EPN2: variants seen among roughly 807,000 people sequenced by gnomAD.
EPN2 encodes epsin-2.
A neutral mutation model predicts 61.7 loss-of-function variants in EPN2; 34 were observed. The ratio of observed to expected loss-of-function variants is 0.55; its 90% CI spans 0.42 to 0.73. The LOEUF (loss-of-function observed/expected upper bound fraction) is 0.73. Among genes scored for constraint, EPN2 ranks in the 30% least tolerant of loss-of-function variants. The pLI is 0.00. For synonymous variants in EPN2, 349 were observed against 353.6 expected, an observed-to-expected ratio of 0.99 and a Z score of 0.15; for missense variants, 714 against 839.2, an observed-to-expected ratio of 0.85 and a Z score of 1.84.
At chr17:19,289,188 C>T (rs1180020948) in intron 4 of EPN2, among the ~76,000 whole-genome samples, 3 of 151,052 alleles carry the variant, frequency 2.0e-5, no homozygotes, top group Admixed American at 2.0e-4. Context: ...GGGTTCACGC[C>T]ATTCTCCTGC....
At chr17:19,286,596 A>AG (rs2045407468) in intron 4 of EPN2, among the ~76,000 whole-genome samples, 1 of 152,204 alleles carries the variant, frequency 6.6e-6, no homozygotes, top group Non-Finnish European at 1.5e-5. Context: ...TCTTACAAGA[A>AG]GGGGCACGAC....
intron 1 of EPN2, among the ~76,000 whole-genome samples, chr17:19,278,000 G>A (rs2045324664): frequency 6.7e-6 from 1 of 149,948 alleles, no homozygotes; most frequent in South Asian, 2.1e-4. Flanking sequence ...TGTGAACCTG[G>A]GAGGCGGAGC....
intron 4 of EPN2, among the ~76,000 whole-genome samples, chr17:19,294,266 A>AC (rs1413140560): frequency 8.2e-4 from 124 of 151,326 alleles, no homozygotes; most frequent in Middle Eastern, 3.4e-3. Flanking sequence ...AAAAAAAAAA[A>AC]AATTAACCAG....
At chr17:19,310,036 C>G in intron 5 of EPN2, 39 bp downstream of exon 5, 3 of 1,411,890 alleles carry the variant, frequency 2.1e-6, no homozygotes, top group Non-Finnish European at 3.0e-6. Flanking sequence ...ATTGACTGCC[C>G]ATGCTCAGGG....
Position 19,285,851 on chromosome 17 carries a change from C to G in EPN2, c.766+61C>G. On this transcript the variant is annotated intron_variant, in intron 4 of 10. Transcript: ENST00000314728. The surrounding 1 kb of genome is among the most constrained non-coding windows in gnomAD (Gnocchi z 4.5). ...TGCTGGGCAGCTTGCTGGGGGTGTG[C>G]TTGCCATGCCAGTACAGCCAACTCT... 6.8e-7 allele frequency: 1 copy of G among 1,467,716 alleles called. No homozygotes were observed. Among genetic ancestry groups the G allele is most frequent in the Non-Finnish European group, 9.1e-7 (1 of 1,100,000 alleles). The allele number at this position is 1,467,716 out of a possible 1,614,324, so 90.9% of individuals were successfully genotyped here. A position where few individuals can be genotyped will look rare whatever the true frequency, so the allele number is the denominator to read the frequency against.
intron 1 of EPN2, among the ~76,000 whole-genome samples, chr17:19,257,585 T>C (rs1027503307): frequency 1.3e-5 from 2 of 151,928 alleles, no homozygotes; most frequent in Non-Finnish European, 2.9e-5. Flanking sequence ...TGGTGCCATC[T>C]TGGCTCACTG....
intron 4 of EPN2, among the ~76,000 whole-genome samples, chr17:19,298,981 A>C (rs1360665534): frequency 6.6e-6 from 1 of 152,158 alleles, no homozygotes; most frequent in Non-Finnish European, 1.5e-5. Context: ...TATTTCTTCA[A>C]TGTGGAATTC....
At chr17:19,301,162 C>T (rs543362190) in intron 4 of EPN2, among the ~76,000 whole-genome samples, 1 of 152,206 alleles carries the variant, frequency 6.6e-6, no homozygotes, top group African/African-American at 2.4e-5. Flanking sequence ...CTGTGTCACC[C>T]CAGTCTCTGC....
At position 19,300,416 on chromosome 17, in the gene EPN2, A is replaced by G. The variant is rs73291287; in HGVS notation, c.767-9469A>G. ...GTATGTGCTCTTACATAAAAACAAT[A>G]AACTGTAAATCTTTTTTTTTTTTTT... On this transcript the variant is annotated intron_variant, in intron 4 of 10. Transcript: ENST00000314728. 8.1e-3 allele frequency among the ~76,000 whole-genome samples: 1,205 copies of G among 147,964 alleles called. 22 individuals are homozygous for G. Among genetic ancestry groups the G allele is most frequent in the African/African-American group, 0.029 (1,159 of 40,088 alleles).
At position 19,328,841 on chromosome 17, in the gene EPN2, T is replaced by C. The variant is rs755802955; in HGVS notation, c.1278T>C (p.Ser426=). 1.2e-6 allele frequency: 2 copies of C among 1,613,352 alleles called. No homozygotes were observed. Among genetic ancestry groups the C allele is most frequent in the African/African-American group, 2.7e-5 (2 of 74,928 alleles). Residue 426 remains serine, a synonymous_variant, in exon 8 of 11, where the codon TCT becomes TCC. Transcript: ENST00000314728. ...CCTCCAGTGCTGGGAAAAGAGCTTC[T>C]GACGCGTGGGGCGCAGTCTCCACCA... ...QPASSAGKRA[S]DAWGAVSTTK...
rs766147588 is a variant in EPN2, at chr17:19,283,484, A to G, written c.365A>G (p.Asn122Ser). The G allele has an allele frequency of 1.9e-6, 3 of 1,614,218 alleles. No individual in the cohort carries two copies. The highest frequency in any genetic ancestry group is 1.1e-5 in the South Asian group (1 of 91,080). ...CGAGATGGCAAGGACCAGGGCATCA[A>G]TGTGCGTGAGAAGTCAAAGCAACTG... ...IDRDGKDQGI[N>S]VREKSKQLVA... is the part of the protein sequence containing the mutation. Residue 122 changes from asparagine to serine, a missense_variant, in exon 3 of 11, where the codon AAT becomes AGT. Physicochemically the swap from Asn to Ser is conservative, Grantham distance 46. Coordinates refer to ENST00000314728, the MANE Select transcript of EPN2 (RefSeq NM_014964.5). The surrounding 1 kb of genome is among the most constrained non-coding windows in gnomAD (Gnocchi z 7.0).
chr17:19,261,052 C>T (rs1271410236), intron 1 of EPN2, among the ~76,000 whole-genome samples: 2 of 152,192 alleles, frequency 1.3e-5, no homozygotes, highest in African/African-American at 2.4e-5. Context: ...CATGACATGC[C>T]GGCGACAGTT....
At chr17:19,322,300 C>G (rs2059882717) in intron 7 of EPN2, among the ~76,000 whole-genome samples, 2 of 152,164 alleles carry the variant, frequency 1.3e-5, no homozygotes, top group South Asian at 4.1e-4. Context: ...ACAAAGCTTG[C>G]AGATTGACAT....
rs903625263 is a variant in EPN2, at chr17:19,256,638, G to C, written c.-294+19107G>C. Among the ~76,000 whole-genome samples, 11 of 152,134 alleles carry C rather than the reference G, an allele frequency of 7.2e-5. No homozygotes were observed. In the South Asian group the frequency reaches 2.3e-3, roughly 32 times the overall value. On this transcript the variant is annotated intron_variant, in intron 1 of 10. Transcript: ENST00000314728. ...ATATAGCGTCCAGTGGTTTTCGGCT[G>C]GTGGCACCCCGTGGGAAAGCTCTGA...
At chr17:19,242,786 G>T (rs1280023238) in intron 1 of EPN2, among the ~76,000 whole-genome samples, 2 of 152,336 alleles carry the variant, frequency 1.3e-5, no homozygotes, top group African/African-American at 2.4e-5. Flanking sequence ...GGCTCATCCT[G>T]GGGGACGGCT....
chr17:19,330,375 T>C (rs1389873217), intron 9 of EPN2, among the ~76,000 whole-genome samples: 1 of 152,108 alleles, frequency 6.6e-6, no homozygotes, highest in Non-Finnish European at 1.5e-5. Flanking sequence ...CCCAGTCTCT[T>C]CTTTTTCTCC....
At chr17:19,244,833 A>G (rs142756450) in intron 1 of EPN2, among the ~76,000 whole-genome samples, 5 of 152,350 alleles carry the variant, frequency 3.3e-5, no homozygotes, top group African/African-American at 4.8e-5. Context: ...AGAGGGGTTC[A>G]GTAACCTGCC....
intron 7 of EPN2, among the ~76,000 whole-genome samples, chr17:19,314,786 C>T (rs989412500): frequency 1.3e-5 from 2 of 152,230 alleles, no homozygotes; most frequent in Non-Finnish European, 2.9e-5. Context: ...GTGTGGTACC[C>T]CCAGGGAGCC....
rs918337039 is a variant in EPN2, at chr17:19,309,925, G to A, written c.807G>A (p.Arg269=). 3.7e-6 allele frequency: 6 copies of A among 1,609,304 alleles called. No individual in the cohort carries two copies. Among genetic ancestry groups the A allele is most frequent in the Non-Finnish European group, 4.2e-6 (5 of 1,180,016 alleles). The change falls in exon 5 of 11, where the codon CGG becomes CGA. Residue 269 remains arginine, a synonymous_variant. Coordinates refer to ENST00000314728, the MANE Select transcript of EPN2 (RefSeq NM_014964.5). ...PRVSSELEQA[R]PQTSGEEELQ... ...TGTCCTCCGAGCTGGAGCAAGCCCGGCCCCAGACTAGTGGAGAAGAGGAGC... is the reference window on the plus strand; with the variant it reads ...TGTCCTCCGAGCTGGAGCAAGCCCGACCCCAGACTAGTGGAGAAGAGGAGC...
Sources: gnomAD v4.1 joint callset for allele counts (sites outside exome capture counted in the v4.1 genomes callset) on GRCh38, gnomAD v4.1.1 for gene constraint, Gnocchi (gnomAD v3.1) non-coding constraint, MANE v1.5 for transcripts, NCBI Gene and HGNC (gene_info 2026-07-23, HGNC 2026-07-21) for gene names.